The following CCDC9B variants were observed in gnomAD, a reference collection of about 807,000 sequenced individuals.
CCDC9B encodes the protein coiled-coil domain-containing protein 9B.
CCDC9B carries 40 observed loss-of-function variants against 47.2 expected under a neutral mutation model. The ratio of observed to expected loss-of-function variants is 0.85; its 90% CI spans 0.66 to 1.10. CCDC9B has a LOEUF of 1.10. CCDC9B is among the 50% of genes least tolerant of loss of function. The pLI is 0.00. For synonymous variants in CCDC9B, 238 were observed against 250.7 expected, an observed-to-expected ratio of 0.95 and a Z score of 0.48; for missense variants, 662 against 651.0, an observed-to-expected ratio of 1.02 and a Z score of -0.18.
chr15:40,334,263 A>T lies in CCDC9B; in HGVS notation c.*895T>A, dbSNP rs552102551. On this transcript the variant is annotated 3_prime_UTR_variant, in exon 11 of 11. Transcript: ENST00000397536. Reference sequence around the variant, plus strand: ...GGCTTAGTAGGAAAGACAAGTCCTGATGTCATACTTAGCTGGAAGTTGTTT... The same window carrying T: ...GGCTTAGTAGGAAAGACAAGTCCTGTTGTCATACTTAGCTGGAAGTTGTTT... The T allele has an allele frequency of 6.5e-6, 1 of 152,942 alleles. No individual in the cohort carries two copies. The highest frequency in any genetic ancestry group is 2.4e-5 in the African/African-American group (1 of 41,576). The allele number at this position is 152,942 out of a possible 1,614,324, so 9.5% of individuals were successfully genotyped here.
At chr15:40,338,218 G>C (rs1277058009) in intron 5 of CCDC9B, 1 of 695,516 alleles carries the variant, frequency 1.4e-6, no homozygotes, top group East Asian at 2.7e-5. Flanking sequence ...AGGACTAGGG[G>C]CTGCTGCCAC....
rs745560829 is a variant in CCDC9B at position 40,335,798 on chromosome 15, G to C, written c.916C>G (p.Leu306Val). ...RWDMKEDKEE[L>V]EGQEGSQSTR... ...CAAGTACCTACCTCCTGACCTTCCA[G>C]CTCCTCCTTGTCTTCCTTCATATCC... Residue 306 changes from leucine to valine, a missense_variant, in exon 10 of 11, where the codon CTG becomes GTG. Transcript: ENST00000397536. 1.9e-6 allele frequency: 3 copies of C among 1,611,358 alleles called. No homozygotes were observed. The highest frequency in any genetic ancestry group is 2.5e-6 in the Non-Finnish European group (3 of 1,178,888).
In CCDC9B at chr15:40,333,568, A is replaced by AAAAAC. The variant is rs1468241801; in HGVS notation, c.*1589_*1590insGTTTT. On this transcript the variant is annotated 3_prime_UTR_variant, in exon 11 of 11. Coordinates refer to ENST00000397536, the MANE Select transcript of CCDC9B (RefSeq NM_207380.3). ...GGTGATAACAGCAGGACCCTAACTA[A>AAAAAC]AAAAAAAAAAAAAAAAAAAAGACGA... 6.9e-6 allele frequency: 1 copy of AAAAAC among 144,156 alleles called. No individual in the cohort carries two copies. Among genetic ancestry groups the AAAAAC allele is most frequent in the African/African-American group, 2.6e-5 (1 of 38,450 alleles). The allele number at this position is 144,156 out of a possible 1,614,324, so 8.9% of individuals were successfully genotyped here. A position where few individuals can be genotyped will look rare whatever the true frequency, so the allele number is the denominator to read the frequency against.
At chr15:40,336,317 G>T in intron 9 of CCDC9B, 2 of 985,384 alleles carry the variant, frequency 2.0e-6, no homozygotes, top group Non-Finnish European at 2.4e-6. Flanking sequence ...GCATGTCCCC[G>T]CCTGCAATGC....
At chr15:40,339,854 C>A (rs978368303) in intron 2 of CCDC9B, 51 bp downstream of exon 2, 3 of 1,479,072 alleles carry the variant, frequency 2.0e-6, no homozygotes, top group Non-Finnish European at 1.9e-6. Flanking sequence ...GTGTGGGGCA[C>A]AGGGAGCGGC....
At chr15:40,338,241 C>G in intron 5 of CCDC9B, 1 of 664,226 alleles carries the variant, frequency 1.5e-6, no homozygotes. Flanking sequence ...AGAGGTCACA[C>G]CTGGCACTTG....
chr15:40,339,428 G>T, intron 3 of CCDC9B, 84 bp downstream of exon 3: 1 of 1,426,770 alleles, frequency 7.0e-7, no homozygotes, highest in Non-Finnish European at 9.8e-7. Flanking sequence ...GTAGGAGAGG[G>T]GAACAGAGGC....
rs745855265 is a variant in CCDC9B at position 40,337,769 on chromosome 15, T to C, written c.638A>G (p.Gln213Arg). The C allele has an allele frequency of 3.4e-5, 54 of 1,609,376 alleles. No individual in the cohort carries two copies. The highest frequency in any genetic ancestry group is 5.3e-5 in the African/African-American group (4 of 74,918). Residue 213 changes from glutamine to arginine, a missense_variant, in exon 6 of 11, where the codon CAG becomes CGG. By Grantham distance (43) the Gln-to-Arg change is conservative. Transcript: ENST00000397536. ...LARLARHRDA[Q>R]GDWRRPWDLD... ...GTCCCACGGGCGGCGCCAGTCACCC[T>C]GTGCGTCTCTGTGCCGGGCGAGGCG...
At chr15:40,336,928 C>T in intron 7 of CCDC9B, 115 bp from the exon 8 acceptor site, 2 of 1,114,548 alleles carry the variant, frequency 1.8e-6, no homozygotes, top group Non-Finnish European at 2.6e-6. Flanking sequence ...GTGGGTTTTG[C>T]CTCCCCAAAA....
Position 40,338,644 on chromosome 15 carries a change from C to G in CCDC9B, c.404G>C (p.Ser135Thr), listed in dbSNP as rs572535070. The stretch of plus-strand genomic sequence containing the variant: ...GTTCCTTGCTCTGGTAGGCTTTTCA[C>G]TTACAATCCGTTTGCCCTGGGGAGG... ...ENKAEGKRIV[S>T]EKPTRARNQG... The change falls in exon 5 of 11, where the codon AGT becomes ACT. Residue 135 changes from serine to threonine, a missense_variant. Ser to Thr is a moderately conservative substitution (Grantham distance 58). Coordinates refer to ENST00000397536, the MANE Select transcript of CCDC9B (RefSeq NM_207380.3). The G allele has an allele frequency of 8.1e-6, 13 of 1,614,138 alleles. No individual in the cohort carries two copies. The African/African-American group carries it at 1.5e-4, about 18-fold the overall frequency.
chr15:40,332,331 C>T lies in CCDC9B; in HGVS notation c.*2827G>A, dbSNP rs1016244492. Reference sequence around the variant, plus strand: ...GGGGTTACCACCATAACTACCACTTCCTTATCTTGAAGAAGAGCTCTCCTT... The same window carrying T: ...GGGGTTACCACCATAACTACCACTTTCTTATCTTGAAGAAGAGCTCTCCTT... On this transcript the variant is annotated 3_prime_UTR_variant, in exon 11 of 11. Transcript: ENST00000397536. 1 of 152,236 alleles carries T rather than the reference C, an allele frequency of 6.6e-6. No homozygotes were observed. Among genetic ancestry groups the T allele is most frequent in the African/African-American group, 2.4e-5 (1 of 41,450 alleles). The allele number at this position is 152,236 out of a possible 1,614,324, so 9.4% of individuals were successfully genotyped here. A position where few individuals can be genotyped will look rare whatever the true frequency, so the allele number is the denominator to read the frequency against.
intron 1 of CCDC9B, 25 bp downstream of exon 1, chr15:40,340,783 C>T: frequency 6.3e-7 from 1 of 1,596,948 alleles, no homozygotes; most frequent in Non-Finnish European, 8.5e-7. Flanking sequence ...AAGAAGCCCC[C>T]TGCCAAAGGC....
At chr15:40,337,207 G>T (rs1445242495) in intron 7 of CCDC9B, 181 bp downstream of exon 7, 5 of 734,126 alleles carry the variant, frequency 6.8e-6, no homozygotes, top group African/African-American at 5.2e-5. Context: ...TGTGGGCTCA[G>T]AGGGGAGGAT....
At chr15:40,339,781 G>A (rs1383159596) in intron 2 of CCDC9B, 124 bp downstream of exon 2, 48 of 1,406,776 alleles carry the variant, frequency 3.4e-5, no homozygotes, top group Non-Finnish European at 4.6e-5. Flanking sequence ...GAGGGACCAT[G>A]CCCACCCTAC....
rs115864343 is a variant in CCDC9B, at chr15:40,335,805, C to T, written c.909G>A (p.Lys303=). The T allele has an allele frequency of 2.6e-4, 426 of 1,608,468 alleles. 2 individuals carry two copies. The African/African-American group carries it at 5.2e-3, about 20-fold the overall frequency. Residue 303 remains lysine, a synonymous_variant, in exon 10 of 11, where the codon AAG becomes AAA. Transcript: ENST00000397536. The part of the protein sequence containing the change: ...RARRWDMKED[K]EELEGQEGSQ... The stretch of plus-strand genomic sequence containing the variant: ...CTACCTCCTGACCTTCCAGCTCCTC[C>T]TTGTCTTCCTTCATATCCCACCTGT...
chr15:40,337,919 A>T, intron 5 of CCDC9B, 26 bp from the exon 6 acceptor site: 1 of 1,578,936 alleles, frequency 6.3e-7, no homozygotes, highest in Non-Finnish European at 8.6e-7. Flanking sequence ...ACTCAGAGTG[A>T]GGGGGAGAAG....
In CCDC9B at chr15:40,339,958, G is replaced by A. The variant is rs372833743; in HGVS notation, c.70C>T (p.Arg24Trp). 33 of 1,613,766 alleles carry A rather than the reference G, an allele frequency of 2.0e-5. No individual in the cohort carries two copies. Among genetic ancestry groups the A allele is most frequent in the Admixed American group, 5.0e-5 (3 of 59,988 alleles). Reference sequence around the variant, plus strand: ...TTCTTGCGCAGGGCAACTATCCTCCGATCCAGCTCTGCGTCCTTCTCCTGC... The same window carrying A: ...TTCTTGCGCAGGGCAACTATCCTCCAATCCAGCTCTGCGTCCTTCTCCTGC... ...SRQEKDAELDRRIVALRKKNQ... is the reference protein window; with the variant it reads ...SRQEKDAELDWRIVALRKKNQ... Residue 24 changes from arginine (R) to tryptophan (W), a missense_variant, in exon 2 of 11, where the codon CGG (arginine) becomes TGG (tryptophan). By Grantham distance (101) the Arg-to-Trp change is moderately radical. Coordinates refer to ENST00000397536, the MANE Select transcript of CCDC9B (RefSeq NM_207380.3).
intron 5 of CCDC9B, chr15:40,338,215 G>A: frequency 1.4e-6 from 1 of 697,908 alleles, no homozygotes; most frequent in Non-Finnish European, 2.6e-6. Context: ...GCAAGGACTA[G>A]GGGCTGCTGC....
rs372800948 is a variant in CCDC9B, at chr15:40,340,934, C to T, written c.-115G>A. The T allele has an allele frequency of 4.4e-6, 7 of 1,607,118 alleles. No homozygotes were observed. The highest frequency in any genetic ancestry group is 1.6e-4 in the Middle Eastern group (1 of 6,066). On this transcript the variant is annotated 5_prime_UTR_variant, in exon 1 of 11. Coordinates refer to ENST00000397536, the MANE Select transcript of CCDC9B (RefSeq NM_207380.3). ...CGGCCTCTCCCTGCCGGCTTCGCTGCTCAGCACACGAGATCATGTTGTGAT... is the reference window on the plus strand; with the variant it reads ...CGGCCTCTCCCTGCCGGCTTCGCTGTTCAGCACACGAGATCATGTTGTGAT...
Sources: gnomAD v4.1 joint callset for allele counts on GRCh38, gnomAD v4.1.1 for gene constraint, MANE v1.5 for transcripts, NCBI Gene and HGNC (gene_info 2026-07-23, HGNC 2026-07-21) for gene names.